Variants in FN1 observed in about 807,000 individuals in gnomAD.
FN1 encodes the protein fibronectin 1, also known as fibronectin.
In FN1, 106 loss-of-function variants were observed where a neutral mutation model predicts 297.3. The ratio of observed to expected loss-of-function variants is 0.36; its 90% CI spans 0.30 to 0.42. FN1 has a LOEUF of 0.42. Ranked by LOEUF, FN1 falls within the 10% of genes least tolerant of loss-of-function variation. The probability of loss-of-function intolerance (pLI) is 1.00; values close to 1 mark genes in which losing one functional copy is unlikely to be tolerated. For missense variants in FN1, 2,690 were observed against 3,124.9 expected (o/e 0.86, Z 3.32); for synonymous variants, 1,149 against 1,152.6 (o/e 1.00, Z 0.06).
Position 215,361,229 on chromosome 2 carries a change from A to T in FN1, c.*326T>A. The T allele has an allele frequency of 3.2e-6, 1 of 309,420 alleles. No homozygotes were observed. The highest frequency in any genetic ancestry group is 6.2e-6 in the Non-Finnish European group (1 of 162,128). The allele number at this position is 309,420 out of a possible 1,614,324, so 19.2% of individuals were successfully genotyped here. On this transcript the variant is annotated 3_prime_UTR_variant, in exon 46 of 46. Coordinates refer to ENST00000354785, the MANE Select transcript of FN1 (RefSeq NM_212482.4). ...TTAAAATTTTGGTCATATCATTTCA[A>T]AACATTTGCATCTTGGTTGGCTGCA...
chr2:215,405,047 G>A (rs1384771241), intron 19 of FN1, among the ~76,000 whole-genome samples: 2 of 152,208 alleles, frequency 1.3e-5, no homozygotes, highest in South Asian at 2.1e-4. Context: ...CTCCTAAAAT[G>A]ACAGCAAGAA....
chr2:215,365,073 A>G, intron 43 of FN1, 88 bp from the exon 44 acceptor site: 1 of 830,498 alleles, frequency 1.2e-6, no homozygotes. Context: ...TCTGTCCTAA[A>G]TTTGTATCAT....
intron 21 of FN1, among the ~76,000 whole-genome samples, chr2:215,398,456 A>T (rs973939637): frequency 1.3e-5 from 2 of 152,204 alleles, no homozygotes; most frequent in African/African-American, 4.8e-5. Flanking sequence ...CTCTAGAGAG[A>T]TCCTTCACAC....
intron 40 of FN1, 158 bp downstream of exon 40, chr2:215,371,751 G>A (rs1328363083): frequency 1.8e-6 from 1 of 568,560 alleles, no homozygotes; most frequent in Non-Finnish European, 3.2e-6. Context: ...AACCTCAAAT[G>A]ATCCACCTGC....
intron 6 of FN1, among the ~76,000 whole-genome samples, chr2:215,426,194 G>C (rs1485587590): frequency 1.4e-5 from 2 of 138,974 alleles, no homozygotes; most frequent in Non-Finnish European, 3.0e-5. Context: ...TGTCACCCAG[G>C]CTGGAGTGCA....
Position 215,409,743 on chromosome 2 carries a change from G to A in FN1, c.2123-4C>T, listed in dbSNP as rs767694501. ...GTCTCTCCTGTCACGGTGTTGCCTAGAGAGTCACAGAAAGGGGAAAGTCAG... is the reference window on the plus strand; with the variant it reads ...GTCTCTCCTGTCACGGTGTTGCCTAAAGAGTCACAGAAAGGGGAAAGTCAG... On this transcript the variant is annotated splice_region_variant and splice_polypyrimidine_tract_variant and intron_variant, in intron 14 of 45. Transcript: ENST00000354785. 13 of 1,614,050 alleles carry A rather than the reference G, an allele frequency of 8.1e-6. No individual in the cohort carries two copies. The East Asian group carries it at 2.9e-4, about 36-fold the overall frequency.
At chr2:215,386,986 G>GAA (rs149820115) in intron 27 of FN1, 28 bp from the exon 28 acceptor site, 11 of 1,376,930 alleles carry the variant, frequency 8.0e-6, no homozygotes, top group African/African-American at 1.5e-5. Flanking sequence ...GGGAGGAAGA[G>GAA]AAAAAAAAAA....
chr2:215,384,931 G>A lies in FN1; in HGVS notation c.4658C>T (p.Thr1553Ile), dbSNP rs2058705323. ...AGCATCCCAGCTGATCAGTAGGCTG[G>A]TGGGGGTCGCAGCAACAACTTCCAG... ...RDLEVVAATP[T>I]SLLISWDAPA... Residue 1553 changes from threonine (T) to isoleucine (I), a missense_variant, in exon 29 of 46, where the codon ACC becomes ATC. Coordinates refer to ENST00000354785, the MANE Select transcript of FN1 (RefSeq NM_212482.4). The A allele has an allele frequency of 6.2e-7, 1 of 1,613,940 alleles. No individual in the cohort carries two copies. Among genetic ancestry groups the A allele is most frequent in the African/African-American group, 1.3e-5 (1 of 74,912 alleles).
At chr2:215,401,263 G>GAAGGACGGAAGGAAGGAAGGAAGGA (rs2061097824) in intron 20 of FN1, among the ~76,000 whole-genome samples, 1 of 74,082 alleles carries the variant, frequency 1.3e-5, no homozygotes, top group African/African-American at 6.9e-5. Flanking sequence ...AGAAAGAAAG[G>GAAGGACGGAAGGAAGGAAGGAAGGA]AAGGAAAGGA....
intron 12 of FN1, among the ~76,000 whole-genome samples, chr2:215,416,812 G>C (rs560352822): frequency 1.1e-4 from 16 of 152,202 alleles, no homozygotes; most frequent in Middle Eastern, 6.8e-3. Context: ...GCAGGGAAAG[G>C]AAAGAAAAAG....
intron 18 of FN1, 148 bp downstream of exon 18, chr2:215,406,979 T>A: frequency 1.4e-6 from 1 of 704,294 alleles, no homozygotes; most frequent in Non-Finnish European, 2.5e-6. Context: ...AAGTTACTTA[T>A]GACATTTCAG....
chr2:215,401,839 T>C (rs1287206141), intron 20 of FN1, among the ~76,000 whole-genome samples: 1 of 152,088 alleles, frequency 6.6e-6, no homozygotes, highest in Non-Finnish European at 1.5e-5. Flanking sequence ...CAAATATATG[T>C]GTGGGCCACT....
At chr2:215,370,667 G>A (rs988126416) in intron 40 of FN1, 39 of 513,328 alleles carry the variant, frequency 7.6e-5, no homozygotes, top group South Asian at 6.5e-4. Flanking sequence ...ATCTACCTAC[G>A]TGCTCCGTAG....
At chr2:215,405,717 C>T (rs1317306941) in intron 19 of FN1, among the ~76,000 whole-genome samples, 1 of 151,972 alleles carries the variant, frequency 6.6e-6, no homozygotes, top group Non-Finnish European at 1.5e-5. Flanking sequence ...TACTCCAGCC[C>T]TGGCGACAGA....
At chr2:215,412,396 C>G (rs1368903513) in intron 13 of FN1, among the ~76,000 whole-genome samples, 1 of 152,062 alleles carries the variant, frequency 6.6e-6, no homozygotes, top group Non-Finnish European at 1.5e-5. Flanking sequence ...AACAATAAGT[C>G]ATATTTACAG....
intron 18 of FN1, 24 bp from the exon 19 acceptor site, chr2:215,406,534 C>A: frequency 6.2e-7 from 1 of 1,611,502 alleles, no homozygotes; most frequent in South Asian, 1.1e-5. Context: ...GTCAACTGGT[C>A]ATTCACATTC....
At chr2:215,388,144 C>T in intron 27 of FN1, 68 bp downstream of exon 27, 3 of 1,079,980 alleles carry the variant, frequency 2.8e-6, no homozygotes, top group Non-Finnish European at 4.3e-6. Flanking sequence ...TTAGAAGTAG[C>T]ATTTCATTTG....
chr2:215,394,862 C>G, intron 23 of FN1, 143 bp from the exon 24 acceptor site: 2 of 693,460 alleles, frequency 2.9e-6, no homozygotes, highest in South Asian at 3.2e-5. Context: ...TTATTCAATG[C>G]TTGCAACAAT....
chr2:215,394,508 G>A lies in FN1; in HGVS notation c.3796+20C>T. 1 of 1,589,616 alleles carries A rather than the reference G, an allele frequency of 6.3e-7. No individual in the cohort carries two copies. The highest frequency in any genetic ancestry group is 8.6e-7 in the Non-Finnish European group (1 of 1,158,308). Reference sequence around the variant, plus strand: ...TATTGGAAGTGTCACTCTCAGGATAGCAGCTTATTTTTCTATTACCTGGGA... The same window carrying A: ...TATTGGAAGTGTCACTCTCAGGATAACAGCTTATTTTTCTATTACCTGGGA... On this transcript the variant is annotated intron_variant, in intron 24 of 45. Coordinates refer to ENST00000354785, the MANE Select transcript of FN1 (RefSeq NM_212482.4).
Sources: allele counts gnomAD v4.1 joint callset (sites outside exome capture counted in the v4.1 genomes callset), GRCh38; gene constraint gnomAD v4.1.1; transcripts MANE v1.5; gene names NCBI Gene and HGNC (gene_info 2026-07-23, HGNC 2026-07-21).